Variants in CELF2 observed in about 807,000 individuals in gnomAD.
The protein encoded by CELF2 is CUG triplet repeat RNA-binding protein 2.
Under a neutral mutation model 62.6 loss-of-function variants are expected in CELF2, and 8 were observed. The observed-to-expected ratio is 0.13, with a 90% confidence interval of 0.07 to 0.23. The LOEUF is 0.23. CELF2 is among the 10% of genes least tolerant of loss of function. The pLI, the probability that CELF2 is intolerant of heterozygous loss-of-function variation, is 1.00. For synonymous variants in CELF2, 258 were observed against 250.0 expected (o/e 1.03, Z -0.30); for missense variants, 333 against 671.0 (o/e 0.50, Z 5.56).
In CELF2 at chr10:10,905,158, T is replaced by G. The variant is rs113815769; in HGVS notation, c.54-14806T>G. 5.0e-3 allele frequency among the ~76,000 whole-genome samples: 769 copies of G among 152,318 alleles called. 3 individuals carry two copies. Among genetic ancestry groups the G allele is most frequent in the African/African-American group, 0.018 (732 of 41,578 alleles). The stretch of plus-strand genomic sequence containing the variant: ...CAGTGTTGTCGACCTGTGGAATATG[T>G]GTGAAGTGCTAAGCAAAATGATTAA... On this transcript the variant is annotated intron_variant, in intron 1 of 13. Transcript: ENST00000636488.
intron 1 of CELF2, among the ~76,000 whole-genome samples, chr10:10,842,038 A>AT (rs773842738): frequency 1.1e-4 from 16 of 152,050 alleles, no homozygotes; most frequent in Non-Finnish European, 1.8e-4. Context: ...AATATTTCTC[A>AT]TTTTTTTCTG....
At chr10:11,077,827 G>A (rs2072558478) in intron 1 of CELF2, among the ~76,000 whole-genome samples, 1 of 152,146 alleles carries the variant, frequency 6.6e-6, no homozygotes, top group Admixed American at 6.5e-5. Flanking sequence ...TAGTCCCACA[G>A]CTTGAGAAGT....
intron 1 of CELF2, among the ~76,000 whole-genome samples, chr10:10,895,914 G>A: frequency 6.6e-6 from 1 of 152,128 alleles, no homozygotes; most frequent in Middle Eastern, 3.2e-3. Flanking sequence ...CATGGCTTGA[G>A]GTATTTGGAA....
intron 2 of CELF2, among the ~76,000 whole-genome samples, chr10:10,968,506 G>A (rs1237303226): frequency 1.3e-5 from 2 of 152,136 alleles, no homozygotes; most frequent in African/African-American, 4.8e-5. Flanking sequence ...AAAACCCAAT[G>A]AGTATTGTAT....
chr10:10,565,129 C>T, the CELF2 span, among the ~76,000 whole-genome samples: 1 of 152,186 alleles, frequency 6.6e-6, no homozygotes, highest in Non-Finnish European at 1.5e-5. Context: ...TTTTCTCACT[C>T]GGGTTCGAGA....
At chr10:10,883,091 A>T (rs982413083) in intron 1 of CELF2, among the ~76,000 whole-genome samples, 6 of 152,190 alleles carry the variant, frequency 3.9e-5, no homozygotes, top group African/African-American at 1.4e-4. Context: ...ATTGTATTTT[A>T]ACAGGCCATT....
intron 1 of CELF2, among the ~76,000 whole-genome samples, chr10:10,858,739 C>T (rs1208855833): frequency 2.0e-5 from 3 of 151,370 alleles, no homozygotes; most frequent in African/African-American, 7.3e-5. Flanking sequence ...TGAAAGTATC[C>T]AGGAATAGAT....
chr10:10,967,292 C>G (rs953268379), intron 2 of CELF2, among the ~76,000 whole-genome samples: 3 of 152,170 alleles, frequency 2.0e-5, no homozygotes, highest in Admixed American at 6.5e-5. Context: ...AGGTTCCAGT[C>G]TGTTTACACA....
intron 2 of CELF2, among the ~76,000 whole-genome samples, chr10:10,996,088 A>G (rs1449260135): frequency 6.6e-6 from 1 of 152,238 alleles, no homozygotes; most frequent in Non-Finnish European, 1.5e-5. Flanking sequence ...ATGCAAATGT[A>G]GAGTTTCTAA....
intron 10 of CELF2, among the ~76,000 whole-genome samples, chr10:11,320,123 C>G (rs2095344340): frequency 6.6e-6 from 1 of 152,156 alleles, no homozygotes; most frequent in African/African-American, 2.4e-5. Flanking sequence ...TAAAGGGACC[C>G]AGAGGCAATT....
chr10:10,718,748 C>T, the CELF2 span, among the ~76,000 whole-genome samples: 1 of 151,990 alleles, frequency 6.6e-6, no homozygotes, highest in African/African-American at 2.4e-5. Flanking sequence ...GCTGTGTCCT[C>T]ATCACACCCA....
At position 11,298,000 on chromosome 10, in the gene CELF2, G is replaced by A. The variant is rs1422841436; in HGVS notation, c.976+9448G>A. On this transcript the variant is annotated intron_variant, in intron 9 of 12. Transcript: ENST00000633077. The surrounding 1 kb of genome is among the most constrained non-coding windows in gnomAD (Gnocchi z 4.4). ...TCTATCTTAAAAAACAAAAGAACAT[G>A]AAAAATCTGTAAAAGTACTGGGGTC... Among the ~76,000 whole-genome samples, 1 of 152,180 alleles carries A rather than the reference G, an allele frequency of 6.6e-6. No individual in the cohort carries two copies. Among genetic ancestry groups the A allele is most frequent in the Non-Finnish European group, 1.5e-5 (1 of 68,028 alleles).
In CELF2 at chr10:11,328,167, G is replaced by A. The variant is rs1202534402; in HGVS notation, c.1439-759G>A. Among the ~76,000 whole-genome samples, 7 of 152,180 alleles carry A rather than the reference G, an allele frequency of 4.6e-5. No individual in the cohort carries two copies. The highest frequency in any genetic ancestry group is 3.8e-4 in the East Asian group (2 of 5,196). ...TCTTCAGATGATTAAGTTCTAAGCC[G>A]TTGACTATGTATCCCCCAGACTTTG... On this transcript the variant is annotated intron_variant, in intron 12 of 12. Transcript: ENST00000633077. The surrounding 1 kb of genome is among the most constrained non-coding windows in gnomAD (Gnocchi z 6.4).
At chr10:10,651,024 C>G in the CELF2 span, among the ~76,000 whole-genome samples, 1 of 151,768 alleles carries the variant, frequency 6.6e-6, no homozygotes, top group Non-Finnish European at 1.5e-5. Context: ...GCACCGTGCG[C>G]GAGCCGAAGC....
chr10:10,980,026 A>C (rs540161385), intron 2 of CELF2, among the ~76,000 whole-genome samples: 2 of 152,342 alleles, frequency 1.3e-5, no homozygotes, highest in East Asian at 3.9e-4. Context: ...AGAAGGCAGC[A>C]TGAGGTCAGC....
the CELF2 span, among the ~76,000 whole-genome samples, chr10:10,520,698 C>A: frequency 2.0e-5 from 3 of 151,862 alleles, no homozygotes; most frequent in Non-Finnish European, 2.9e-5. Flanking sequence ...GGCAGCCAGA[C>A]GATATTTCAC....
intron 12 of CELF2, 141 bp downstream of exon 12, chr10:11,326,120 C>A: frequency 1.2e-6 from 1 of 832,988 alleles, no homozygotes; most frequent in Non-Finnish European, 1.8e-6. Flanking sequence ...TCCTTGTAAG[C>A]AGATTTGGGC....
At chr10:10,564,045 A>G in the CELF2 span, among the ~76,000 whole-genome samples, 77,696 of 151,982 alleles carry the variant, frequency 0.51, 21,233 homozygotes, top group African/African-American at 0.7. Flanking sequence ...GAAGTATAAC[A>G]TGTTAGGTTA....
intron 1 of CELF2, among the ~76,000 whole-genome samples, chr10:10,903,534 T>C: frequency 6.6e-6 from 1 of 152,222 alleles, no homozygotes; most frequent in East Asian, 1.9e-4. Context: ...AGGGCCACTT[T>C]AAGTAAGAAA....
Sources: allele counts gnomAD v4.1 joint callset (sites outside exome capture counted in the v4.1 genomes callset), GRCh38; gene constraint gnomAD v4.1.1; non-coding constraint Gnocchi (gnomAD v3.1); transcripts MANE v1.5; gene names NCBI Gene and HGNC (gene_info 2026-07-23, HGNC 2026-07-21).